Variants in ALLC observed in about 807,000 individuals in gnomAD.
ALLC encodes the protein probable inactive allantoicase.
Under a neutral mutation model 45.0 loss-of-function variants are expected in ALLC, and 40 were observed. The ratio of observed to expected loss-of-function variants is 0.89; its 90% CI spans 0.69 to 1.16. ALLC has a LOEUF of 1.16. Among genes scored for constraint, ALLC ranks in the 50% most tolerant of loss-of-function variants. ALLC has a pLI of 0.00. For missense variants in ALLC, 488 were observed against 493.1 expected (o/e 0.99, Z 0.10); for synonymous variants, 176 against 178.1 (o/e 0.99, Z 0.09).
chr2:3,683,711 A>C (rs539639659), intron 7 of ALLC, among the ~76,000 whole-genome samples: 1 of 152,324 alleles, frequency 6.6e-6, no homozygotes, highest in South Asian at 2.1e-4. Flanking sequence ...CCATGTTGTA[A>C]CATGTATTAA....
chr2:3,698,810 G>A (rs769914279), intron 10 of ALLC, among the ~76,000 whole-genome samples: 9 of 151,996 alleles, frequency 5.9e-5, no homozygotes, highest in East Asian at 1.9e-4. Context: ...TGTGTACAAC[G>A]TGCGGGTTTG....
chr2:3,676,499 G>A lies in ALLC; in HGVS notation c.85-1969G>A, dbSNP rs188632803. ...TGGGCTCAAGCAGTCCTCCTGCCTC[G>A]GCCTCCCAAATGGCTGGGATTACAG... On this transcript the variant is annotated intron_variant, in intron 3 of 11. Coordinates refer to ENST00000252505, the MANE Select transcript of ALLC (RefSeq NM_018436.4). Among the ~76,000 whole-genome samples the A allele has an allele frequency of 2.9e-4, 44 of 152,066 alleles. No individual in the cohort carries two copies. The East Asian group carries it at 5.2e-3, about 18-fold the overall frequency.
intron 1 of ALLC, among the ~76,000 whole-genome samples, chr2:3,670,536 G>A (rs980571698): frequency 1.3e-5 from 2 of 152,158 alleles, no homozygotes; most frequent in South Asian, 2.1e-4. Flanking sequence ...CGCCATGGCC[G>A]CATGGCCCCG....
In ALLC at chr2:3,666,239, C is replaced by T. The variant is rs1468547027; in HGVS notation, c.-62-4857C>T. ...TAATTACTTAGGCAAAATGCCTGAG[C>T]GCTCTGTACCGGGGCATAGTGAGCT... On this transcript the variant is annotated intron_variant, in intron 1 of 11. Coordinates refer to ENST00000252505, the MANE Select transcript of ALLC (RefSeq NM_018436.4). Among the ~76,000 whole-genome samples the T allele has an allele frequency of 2.6e-5, 4 of 152,198 alleles. No homozygotes were observed. The East Asian group carries it at 5.8e-4, about 22-fold the overall frequency.
the ALLC span, among the ~76,000 whole-genome samples, chr2:3,649,767 C>T: frequency 2.0e-5 from 3 of 152,254 alleles, no homozygotes; most frequent in Non-Finnish European, 2.9e-5. Context: ...CGGGCAGACA[C>T]ACCAGGGACT....
chr2:3,702,597 G>T lies in ALLC; in HGVS notation c.*34G>T. 1 of 1,496,048 alleles carries T rather than the reference G, an allele frequency of 6.7e-7. No individual in the cohort carries two copies. The highest frequency in any genetic ancestry group is 2.4e-5 in the East Asian group (1 of 41,984). 92.7% of individuals were successfully genotyped at this position (1,496,048 alleles called of 1,614,324 possible). On this transcript the variant is annotated 3_prime_UTR_variant, in exon 12 of 12. Transcript: ENST00000252505. The stretch of plus-strand genomic sequence containing the variant: ...AAGCCCCGGTGTCGGACACACAGCA[G>T]TAATTTCCCAGTCATAGTCTTCTTT...
intron 1 of ALLC, among the ~76,000 whole-genome samples, chr2:3,669,605 G>A (rs1216833635): frequency 4.6e-5 from 7 of 152,168 alleles, no homozygotes; most frequent in South Asian, 4.1e-4. Flanking sequence ...CCGAGATTGC[G>A]CCGCTGCACT....
chr2:3,666,788 G>A (rs1666737955), intron 1 of ALLC, among the ~76,000 whole-genome samples: 1 of 152,176 alleles, frequency 6.6e-6, no homozygotes, highest in Non-Finnish European at 1.5e-5. Flanking sequence ...CATGGTGGGG[G>A]CGACGGTGGT....
chr2:3,658,720 T>C (rs1452803886), intron 1 of ALLC, among the ~76,000 whole-genome samples: 3 of 151,602 alleles, frequency 2.0e-5, no homozygotes, highest in East Asian at 1.9e-4. Flanking sequence ...ATCAAAAAAA[T>C]AGCCAGGCAT....
At chr2:3,696,376 A>G (rs757646386) in intron 9 of ALLC, 28 bp downstream of exon 9, 4 of 1,573,390 alleles carry the variant, frequency 2.5e-6, no homozygotes, top group Admixed American at 1.9e-5. Flanking sequence ...ACTATGGTTT[A>G]AAGTTTTTCT....
rs375401460 is a variant in ALLC, at chr2:3,678,533, G to T, written c.150G>T (p.Glu50Asp). The T allele has an allele frequency of 9.3e-6, 15 of 1,613,866 alleles. No homozygotes were observed. The highest frequency in any genetic ancestry group is 1.3e-5 in the Non-Finnish European group (15 of 1,179,850). Reference sequence around the variant, plus strand: ...TTGGGAAATGGATGGATGGCTGGGAGACCAGGAGGAAAAGGATTCCAGGTA... The same window carrying T: ...TTGGGAAATGGATGGATGGCTGGGATACCAGGAGGAAAAGGATTCCAGGTA... The part of the protein sequence containing the change: ...TEFGKWMDGW[E>D]TRRKRIPGHD... Residue 50 changes from glutamate to aspartate, a missense_variant, in exon 4 of 12, where the codon GAG (glutamate) becomes GAT (aspartate). Coordinates refer to ENST00000252505, the MANE Select transcript of ALLC (RefSeq NM_018436.4).
the ALLC span, among the ~76,000 whole-genome samples, chr2:3,646,371 C>T: frequency 4.6e-5 from 7 of 152,230 alleles, no homozygotes; most frequent in African/African-American, 1.4e-4. Flanking sequence ...AGTCTCATGT[C>T]TTCAGCCAGC....
At chr2:3,662,301 T>G (rs1408861233) in intron 1 of ALLC, among the ~76,000 whole-genome samples, 3 of 152,128 alleles carry the variant, frequency 2.0e-5, no homozygotes, top group Non-Finnish European at 4.4e-5. Context: ...GAGAAATACA[T>G]AGGTCTCAGG....
chr2:3,682,884 G>T (rs1667230756), intron 6 of ALLC, 58 bp from the exon 7 acceptor site: 2 of 1,580,112 alleles, frequency 1.3e-6, no homozygotes, highest in African/African-American at 1.4e-5. Flanking sequence ...GAGGCAATAG[G>T]ATGACAGAAT....
the ALLC span, among the ~76,000 whole-genome samples, chr2:3,651,640 A>T: frequency 2.0e-5 from 3 of 151,868 alleles, no homozygotes; most frequent in African/African-American, 7.3e-5. Context: ...GTCAGGAGAA[A>T]GAAAGGTCAC....
At chr2:3,684,951 T>C (rs1230554590) in intron 7 of ALLC, among the ~76,000 whole-genome samples, 1 of 152,224 alleles carries the variant, frequency 6.6e-6, no homozygotes, top group Admixed American at 6.5e-5. Context: ...TAAAATCTAT[T>C]CCTCTGTTAA....
chr2:3,651,275 C>CTCCATACTGCCATCTAGTGGGAAAA, the ALLC span, among the ~76,000 whole-genome samples: 1 of 111,540 alleles, frequency 9.0e-6, no homozygotes, highest in African/African-American at 4.7e-5. Context: ...CTCAGGCCGC[C>CTCCATACTGCCATCTAGTGGGAAAA]GATGCTTGCG....
chr2:3,656,982 G>T (rs1052182495), upstream of ALLC, among the ~76,000 whole-genome samples: 1 of 152,242 alleles, frequency 6.6e-6, no homozygotes, highest in Non-Finnish European at 1.5e-5. Flanking sequence ...GCGAGCGGGG[G>T]CACTGCACTG....
intron 1 of ALLC, among the ~76,000 whole-genome samples, chr2:3,661,212 A>G (rs1016230655): frequency 6.6e-6 from 1 of 152,212 alleles, no homozygotes; most frequent in Non-Finnish European, 1.5e-5. Flanking sequence ...TACGGGAGAT[A>G]CGGGAACAGA....
Sources: gnomAD v4.1 joint callset for allele counts (sites outside exome capture counted in the v4.1 genomes callset) on GRCh38, gnomAD v4.1.1 for gene constraint, MANE v1.5 for transcripts, NCBI Gene and HGNC (gene_info 2026-07-23, HGNC 2026-07-21) for gene names.